PCDHA7: variants seen among roughly 807,000 people sequenced by gnomAD.
The protein encoded by PCDHA7 is protocadherin alpha-7.
PCDHA7 carries 37 observed loss-of-function variants against 57.2 expected under a neutral mutation model. The observed-to-expected ratio is 0.65, with a 90% CI of 0.50 to 0.85. The LOEUF is 0.85. Among genes scored for constraint, PCDHA7 ranks in the 40% least tolerant of loss-of-function variants. PCDHA7 has a pLI of 0.00. For synonymous variants in PCDHA7, 553 were observed against 558.8 expected (o/e 0.99, Z 0.15); for missense variants, 1,188 against 1,241.8 (o/e 0.96, Z 0.65).
chr5:140,883,294 T>A (rs782475623), intron 1 of PCDHA7: 6 of 1,613,956 alleles, frequency 3.7e-6, no homozygotes, highest in Non-Finnish European at 4.2e-6. Context: ...AAGTACTAGA[T>A]GTAAATGATA....
chr5:140,963,600 G>T (rs111244023), intron 1 of PCDHA7, among the ~76,000 whole-genome samples: 1 of 152,180 alleles, frequency 6.6e-6, no homozygotes, highest in Non-Finnish European at 1.5e-5. Context: ...AGTTCTAGAC[G>T]TAATTGGGAA....
chr5:140,882,715 A>G (rs143870647), intron 1 of PCDHA7: 102 of 1,614,124 alleles, frequency 6.3e-5, no homozygotes, highest in African/African-American at 1.7e-4. Context: ...GACCTCCGGA[A>G]ACTCGATTTC....
chr5:140,929,614 A>G (rs1554207224), intron 1 of PCDHA7: 1 of 405,948 alleles, frequency 2.5e-6, no homozygotes, highest in African/African-American at 2.1e-5. Context: ...ATAAAATACC[A>G]AAATATTTTA....
At chr5:140,870,557 A>G (rs1554164412) in intron 1 of PCDHA7, 5 of 1,613,906 alleles carry the variant, frequency 3.1e-6, no homozygotes, top group African/African-American at 2.7e-5. Context: ...GACGCGCAGG[A>G]GAACGCGCTG....
intron 3 of PCDHA7, among the ~76,000 whole-genome samples, chr5:141,001,535 G>A (rs2098024806): frequency 6.6e-6 from 1 of 152,182 alleles, no homozygotes; most frequent in South Asian, 2.1e-4. Flanking sequence ...TCTGATCCTG[G>A]ACAGGATTTG....
At chr5:140,846,712 C>T (rs1014332332) in intron 1 of PCDHA7, among the ~76,000 whole-genome samples, 3 of 149,228 alleles carry the variant, frequency 2.0e-5, no homozygotes, top group Non-Finnish European at 4.5e-5. Flanking sequence ...ATTGTAATAA[C>T]CAGTCTTCAT....
chr5:140,880,800 T>A (rs1453041032), intron 1 of PCDHA7, among the ~76,000 whole-genome samples: 1 of 152,130 alleles, frequency 6.6e-6, no homozygotes, highest in Admixed American at 6.6e-5. Context: ...TATAAATAGG[T>A]GAATGACTCT....
intron 1 of PCDHA7, among the ~76,000 whole-genome samples, chr5:140,911,819 A>C (rs2075652599): frequency 6.6e-6 from 1 of 152,164 alleles, no homozygotes; most frequent in Admixed American, 6.6e-5. Context: ...CTTCTCCAGA[A>C]ACCCCAAAAC....
chr5:140,923,573 A>C (rs1180737452), intron 1 of PCDHA7, among the ~76,000 whole-genome samples: 2 of 152,214 alleles, frequency 1.3e-5, no homozygotes, highest in African/African-American at 4.8e-5. Flanking sequence ...GGTCCTGCTA[A>C]AGAGAAGGTT....
rs142842369 is a variant in PCDHA7, at chr5:140,884,425, T to G, written c.2355+47687T>G. ...TGGTGCTCACGTTGCTGCTGTATAC[T>G]GCGCTGCGGTGCTCGGCACCGCCCA... On this transcript the variant is annotated intron_variant, in intron 1 of 3. Coordinates refer to ENST00000525929, the MANE Select transcript of PCDHA7 (RefSeq NM_018910.3). 1.3e-3 allele frequency: 2,026 copies of G among 1,613,950 alleles called. 4 individuals carry two copies. Among genetic ancestry groups the G allele is most frequent in the Admixed American group, 3.6e-3 (219 of 60,032 alleles).
chr5:140,848,195 C>T lies in PCDHA7; in HGVS notation c.2355+11457C>T, dbSNP rs2150407031. ...GCAAGAGAAACGGGATCTTCTGTTT[C>T]AACAATCATTACTTAAGAAAAAATT... On this transcript the variant is annotated intron_variant, in intron 1 of 3. Transcript: ENST00000525929. 38 of 306,006 alleles carry T rather than the reference C, an allele frequency of 1.2e-4. 1 individual carries two copies. Among genetic ancestry groups the T allele is most frequent in the Admixed American group, 5.2e-4 (11 of 21,218 alleles). 19.0% of individuals were successfully genotyped at this position (306,006 alleles called of 1,614,324 possible).
At chr5:140,899,814 G>A (rs1212568701) in intron 1 of PCDHA7, among the ~76,000 whole-genome samples, 8 of 152,012 alleles carry the variant, frequency 5.3e-5, no homozygotes, top group African/African-American at 7.2e-5. Flanking sequence ...ATTTTGTTTT[G>A]TTTTTCCTTT....
chr5:140,876,961 C>G (rs782051302), intron 1 of PCDHA7: 16 of 1,613,036 alleles, frequency 9.9e-6, no homozygotes, highest in South Asian at 8.8e-5. Context: ...GCTGGTGGAG[C>G]GGCGGGTGGG....
rs75040653 is a variant in PCDHA7 at position 140,982,339 on chromosome 5, T to G, written c.2415-136T>G. ...TGCAGGGTGACTGCTCAGCAGTAAT[T>G]GCTTCAGTTCAAGCATGAGCAGAAT... On this transcript the variant is annotated intron_variant, in intron 2 of 3. Transcript: ENST00000525929. The G allele has an allele frequency of 3.1e-3, 4,547 of 1,456,350 alleles. 58 individuals carry two copies. The East Asian group carries it at 0.042, about 14-fold the overall frequency. The allele number at this position is 1,456,350 out of a possible 1,614,324, so 90.2% of individuals were successfully genotyped here.
intron 3 of PCDHA7, among the ~76,000 whole-genome samples, chr5:141,004,550 G>A (rs1554259606): frequency 6.6e-6 from 1 of 152,222 alleles, no homozygotes; most frequent in African/African-American, 2.4e-5. Flanking sequence ...TCCTTTAACT[G>A]TGCAAGATGA....
At chr5:140,860,192 C>CATATATATATATATATATATAT (rs143984774) in intron 1 of PCDHA7, 4 of 146,814 alleles carry the variant, frequency 2.7e-5, no homozygotes, top group Admixed American at 6.8e-5. Context: ...GCTCTCCTTA[C>CATATATATATATATATATATAT]ATATATATCT....
In PCDHA7 at chr5:140,999,778, T is replaced by G. The variant is rs1252583642; in HGVS notation, c.2504-9849T>G. On this transcript the variant is annotated intron_variant, in intron 3 of 3. Coordinates refer to ENST00000525929, the MANE Select transcript of PCDHA7 (RefSeq NM_018910.3). ...ACATGATGTCTTTATACTCTTAACC[T>G]AGAAATGGCAGAGTTATTTTGGGCA... 3.0e-4 allele frequency among the ~76,000 whole-genome samples: 46 copies of G among 152,162 alleles called. 1 individual carries two copies.
chr5:140,903,525 C>T (rs1322141732), intron 1 of PCDHA7, among the ~76,000 whole-genome samples: 1 of 152,164 alleles, frequency 6.6e-6, no homozygotes, highest in African/African-American at 2.4e-5. Context: ...GTGTTGTTCA[C>T]TTTAAACTAG....
chr5:140,886,827 G>GAAAAAAAAA, intron 1 of PCDHA7, among the ~76,000 whole-genome samples: 1 of 60,890 alleles, frequency 1.6e-5, no homozygotes, highest in Non-Finnish European at 3.3e-5. Flanking sequence ...ACTTCGTCTT[G>GAAAAAAAAA]AAAAAAAAAA....
Sources: gnomAD v4.1 joint callset for allele counts (sites outside exome capture counted in the v4.1 genomes callset) on GRCh38, gnomAD v4.1.1 for gene constraint, MANE v1.5 for transcripts, NCBI Gene and HGNC (gene_info 2026-07-23, HGNC 2026-07-21) for gene names.